Variants in MAST4 observed in about 807,000 individuals in gnomAD.
MAST4 encodes the protein microtubule-associated serine/threonine-protein kinase 4.
MAST4 carries 89 observed loss-of-function variants against 162.7 expected under a neutral mutation model. The observed-to-expected ratio is 0.55, with a 90% CI of 0.46 to 0.65. The LOEUF (loss-of-function observed/expected upper bound fraction) is 0.65, where lower values mean the gene tolerates loss of function less well. Ranked by LOEUF, MAST4 falls within the 30% of genes least tolerant of loss-of-function variation. The probability of loss-of-function intolerance (pLI) is 0.00; values close to 1 mark genes in which losing one functional copy is unlikely to be tolerated. For missense variants in MAST4, 3,153 were observed against 3,374.0 expected, an observed-to-expected ratio of 0.93 and a Z score of 1.62; for synonymous variants, 1,479 against 1,361.1, an observed-to-expected ratio of 1.09 and a Z score of -1.91.
At chr5:66,679,892 C>G (rs1384835672) in intron 1 of MAST4, among the ~76,000 whole-genome samples, 1 of 152,158 alleles carries the variant, frequency 6.6e-6, no homozygotes, top group African/African-American at 2.4e-5. Context: ...AGCCCATATT[C>G]TGAATTACTG....
chr5:67,080,476 AGTTGTGTGTG>A (rs1048969490), intron 5 of MAST4, among the ~76,000 whole-genome samples: 121 of 152,300 alleles, frequency 7.9e-4, no homozygotes, highest in African/African-American at 2.9e-3. Context: ...GAATCTCAAG[AGTTGTGTGTG>A]GCTTAAAACA....
At chr5:66,642,796 T>C (rs1357263379) in intron 1 of MAST4, among the ~76,000 whole-genome samples, 1 of 152,158 alleles carries the variant, frequency 6.6e-6, no homozygotes, top group Non-Finnish European at 1.5e-5. Context: ...CAAATATTGG[T>C]TCTGAATTGT....
chr5:67,105,718 T>C (rs993664941), intron 10 of MAST4, among the ~76,000 whole-genome samples: 1 of 152,222 alleles, frequency 6.6e-6, no homozygotes, highest in South Asian at 2.1e-4. Flanking sequence ...TGAGTTACAT[T>C]ACAATGTAAA....
At chr5:66,920,614 C>T (rs1764468147) in intron 4 of MAST4, among the ~76,000 whole-genome samples, 1 of 152,044 alleles carries the variant, frequency 6.6e-6, no homozygotes, top group Non-Finnish European at 1.5e-5. Flanking sequence ...CCTCAGCCTC[C>T]CGAGTAGCTG....
chr5:66,968,832 A>C (rs1747067887), intron 4 of MAST4, among the ~76,000 whole-genome samples: 1 of 152,212 alleles, frequency 6.6e-6, no homozygotes, highest in Non-Finnish European at 1.5e-5. Context: ...AGTCATTGTT[A>C]ATTAAAGTTA....
At chr5:66,847,688 G>A (rs2149803030) in intron 3 of MAST4, among the ~76,000 whole-genome samples, 1 of 151,754 alleles carries the variant, frequency 6.6e-6, no homozygotes, top group South Asian at 2.1e-4. Flanking sequence ...GGAGGTGGTG[G>A]TGGGAGCCTG....
At chr5:66,617,329 C>T (rs1231087522) in intron 1 of MAST4, among the ~76,000 whole-genome samples, 1 of 152,156 alleles carries the variant, frequency 6.6e-6, no homozygotes, top group African/African-American at 2.4e-5. Flanking sequence ...TTAATTCCAT[C>T]CTCAATCTTG....
At chr5:66,845,193 T>C (rs1758758207) in intron 3 of MAST4, among the ~76,000 whole-genome samples, 3 of 149,444 alleles carry the variant, frequency 2.0e-5, no homozygotes, top group South Asian at 2.1e-4. Context: ...TATGTATACA[T>C]GTGCCGTGTT....
intron 1 of MAST4, among the ~76,000 whole-genome samples, chr5:66,603,016 A>G (rs1406847200): frequency 1.3e-5 from 2 of 152,174 alleles, no homozygotes; most frequent in African/African-American, 2.4e-5. Context: ...ATTTGCTACT[A>G]TTACCGAGTG....
intron 28 of MAST4, 101 bp downstream of exon 28, chr5:67,162,889 T>C (rs1773367171): frequency 7.9e-7 from 1 of 1,273,600 alleles, no homozygotes; most frequent in East Asian, 2.4e-5. Context: ...AGAAAGCAGG[T>C]TGAAGGTGTA....
intron 3 of MAST4, among the ~76,000 whole-genome samples, chr5:66,852,633 A>G (rs915189106): frequency 1.3e-5 from 2 of 152,198 alleles, no homozygotes; most frequent in African/African-American, 4.8e-5. Flanking sequence ...TTTTTGCACA[A>G]CTGAAATTCA....
intron 14 of MAST4, among the ~76,000 whole-genome samples, chr5:67,128,025 T>C (rs1303885356): frequency 6.6e-6 from 1 of 152,188 alleles, no homozygotes; most frequent in Non-Finnish European, 1.5e-5. Flanking sequence ...TGAAGCAATA[T>C]GAATGTAGGA....
At chr5:66,938,072 C>G (rs951669021) in intron 4 of MAST4, among the ~76,000 whole-genome samples, 1 of 151,930 alleles carries the variant, frequency 6.6e-6, no homozygotes, top group African/African-American at 2.4e-5. Flanking sequence ...TCAGTTGAGT[C>G]TGTTTGGTTT....
chr5:66,744,132 T>C (rs1752620347), intron 1 of MAST4, among the ~76,000 whole-genome samples: 1 of 152,186 alleles, frequency 6.6e-6, no homozygotes, highest in East Asian at 1.9e-4. Flanking sequence ...GCTGATAAGA[T>C]AGCTCAAATG....
chr5:66,960,366 G>A (rs1430846432), intron 4 of MAST4, among the ~76,000 whole-genome samples: 1 of 152,122 alleles, frequency 6.6e-6, no homozygotes, highest in Non-Finnish European at 1.5e-5. Flanking sequence ...ACTAATGAGG[G>A]ACTCACTTAC....
At chr5:67,121,192 C>A in intron 14 of MAST4, 90 bp downstream of exon 14, 1 of 1,034,988 alleles carries the variant, frequency 9.7e-7, no homozygotes, top group Non-Finnish European at 1.4e-6. Context: ...CAAATAGAAG[C>A]TGTATAGGGA....
chr5:66,811,265 C>T (rs1756462323), intron 3 of MAST4, among the ~76,000 whole-genome samples: 1 of 152,186 alleles, frequency 6.6e-6, no homozygotes, highest in Non-Finnish European at 1.5e-5. Context: ...CTTATGGCCA[C>T]ATGTAGCTTG....
chr5:66,893,184 TTTTTGTTTTG>T (rs377174194), intron 3 of MAST4, among the ~76,000 whole-genome samples: 6 of 152,050 alleles, frequency 3.9e-5, no homozygotes, highest in African/African-American at 1.4e-4. Context: ...GTTTATTTTG[TTTTTGTTTTG>T]TTTTGTTTTG....
At chr5:67,055,319 G>T (rs1561584885) in intron 5 of MAST4, among the ~76,000 whole-genome samples, 1 of 152,130 alleles carries the variant, frequency 6.6e-6, no homozygotes, top group East Asian at 1.9e-4. Context: ...GTTATAGGAA[G>T]GTATCTTCAG....
Sources: allele counts gnomAD v4.1 joint callset (sites outside exome capture counted in the v4.1 genomes callset), GRCh38; gene constraint gnomAD v4.1.1; transcripts MANE v1.5; gene names NCBI Gene and HGNC (gene_info 2026-07-23, HGNC 2026-07-21).